Variants in TNKS observed in about 807,000 individuals in gnomAD.
TNKS encodes poly [ADP-ribose] polymerase tankyrase-1.
In TNKS, 72 loss-of-function variants were observed where a neutral mutation model predicts 135.8. That is an observed-to-expected ratio of 0.53 (90% CI 0.44 to 0.64). The LOEUF (loss-of-function observed/expected upper bound fraction) is 0.64. Ranked by LOEUF, TNKS falls within the 30% of genes least tolerant of loss-of-function variation. TNKS has a pLI of 0.00. For missense variants in TNKS, 1,769 were observed against 1,674.0 expected (o/e 1.06, Z -0.99); for synonymous variants, 849 against 649.3 (o/e 1.31, Z -4.68).
At chr8:9,759,186 G>C (rs1807010442) in intron 20 of TNKS, among the ~76,000 whole-genome samples, 1 of 152,236 alleles carries the variant, frequency 6.6e-6, no homozygotes, top group South Asian at 2.1e-4. Context: ...GAGCACACAG[G>C]ATGTGATGTA....
intron 3 of TNKS, among the ~76,000 whole-genome samples, chr8:9,640,081 T>C (rs565511564): frequency 1.3e-5 from 2 of 152,334 alleles, no homozygotes; most frequent in East Asian, 3.9e-4. Flanking sequence ...CTGGCAATTT[T>C]GATAGTCTCA....
At chr8:9,768,594 C>G (rs1218630777) in intron 25 of TNKS, among the ~76,000 whole-genome samples, 1 of 152,234 alleles carries the variant, frequency 6.6e-6, no homozygotes. Flanking sequence ...CAGCTCACCG[C>G]TGGCTGAGCA....
At chr8:9,767,925 C>T (rs1159191969) in intron 25 of TNKS, among the ~76,000 whole-genome samples, 1 of 147,552 alleles carries the variant, frequency 6.8e-6, no homozygotes, top group Admixed American at 6.8e-5. Context: ...CGCCACTGCA[C>T]TCCAGCCTGG....
At chr8:9,656,626 T>TTA (rs398112180) in intron 3 of TNKS, among the ~76,000 whole-genome samples, 2 of 144,606 alleles carry the variant, frequency 1.4e-5, no homozygotes, top group Non-Finnish European at 3.0e-5. Flanking sequence ...TTTTTTTTTT[T>TTA]AATTTATTTT....
intron 3 of TNKS, among the ~76,000 whole-genome samples, chr8:9,626,229 A>T (rs1800048034): frequency 6.6e-6 from 1 of 152,184 alleles, no homozygotes; most frequent in Non-Finnish European, 1.5e-5. Context: ...CCTTTTTAAA[A>T]TTGAGATTTG....
At chr8:9,580,125 T>C (rs1444777195) in intron 1 of TNKS, 34 bp from the exon 2 acceptor site, 2 of 1,576,554 alleles carry the variant, frequency 1.3e-6, no homozygotes, top group African/African-American at 1.4e-5. Flanking sequence ...CAAAATCAAA[T>C]ATATATACAA....
chr8:9,652,656 C>A (rs1199206345), intron 3 of TNKS, among the ~76,000 whole-genome samples: 1 of 151,984 alleles, frequency 6.6e-6, no homozygotes, highest in Non-Finnish European at 1.5e-5. Flanking sequence ...AAAGGAGGTC[C>A]TGTCTTCCTG....
At chr8:9,569,219 C>G (rs1025304740) in intron 1 of TNKS, among the ~76,000 whole-genome samples, 2 of 152,200 alleles carry the variant, frequency 1.3e-5, no homozygotes, top group Admixed American at 1.3e-4. Context: ...TTCCTGTCAT[C>G]ACTCCCTGGA....
intron 3 of TNKS, 89 bp downstream of exon 3, chr8:9,615,766 C>A: frequency 9.5e-7 from 1 of 1,052,276 alleles, no homozygotes; most frequent in Non-Finnish European, 1.4e-6. Context: ...TTTTTCTTTT[C>A]ACTGATGAAG....
chr8:9,725,897 G>C (rs4841204), intron 12 of TNKS, among the ~76,000 whole-genome samples: 2 of 152,024 alleles, frequency 1.3e-5, no homozygotes, highest in Admixed American at 1.3e-4. Context: ...TTAGCCTCTA[G>C]ACCTAACAGC....
At chr8:9,715,379 A>T (rs1804554039) in intron 11 of TNKS, among the ~76,000 whole-genome samples, 1 of 151,896 alleles carries the variant, frequency 6.6e-6, no homozygotes, top group Non-Finnish European at 1.5e-5. Flanking sequence ...GGGTATGATC[A>T]TCTCTGGTCT....
chr8:9,582,483 A>T lies in TNKS; in HGVS notation c.898+2100A>T, dbSNP rs556150366. Among the ~76,000 whole-genome samples the T allele has an allele frequency of 3.0e-4, 46 of 152,346 alleles. 1 individual carries two copies. Among genetic ancestry groups the T allele is most frequent in the Admixed American group, 1.4e-3 (22 of 15,306 alleles). On this transcript the variant is annotated intron_variant, in intron 2 of 26. Transcript: ENST00000310430. ...TGGGGTAGAATAGCAAATACATTTG[A>T]TATTTTTGAAAAGCTAGAGCCCAGC...
At chr8:9,589,665 C>A (rs575628989) in intron 2 of TNKS, among the ~76,000 whole-genome samples, 1 of 152,320 alleles carries the variant, frequency 6.6e-6, no homozygotes, top group Admixed American at 6.5e-5. Flanking sequence ...TCGGGCCTCA[C>A]CACTATACAT....
chr8:9,693,573 A>G (rs1206818163), intron 5 of TNKS, among the ~76,000 whole-genome samples: 1 of 152,176 alleles, frequency 6.6e-6, no homozygotes, highest in Non-Finnish European at 1.5e-5. Flanking sequence ...AGGATGGTGA[A>G]TAAATGTAAA....
In TNKS at chr8:9,778,761, T is replaced by C. The variant is rs1387424026; in HGVS notation, c.*2025T>C. 1 of 152,310 alleles carries C rather than the reference T, an allele frequency of 6.6e-6. No homozygotes were observed. Among genetic ancestry groups the C allele is most frequent in the Non-Finnish European group, 1.5e-5 (1 of 68,032 alleles). The allele number at this position is 152,310 out of a possible 1,614,324, so 9.4% of individuals were successfully genotyped here. On this transcript the variant is annotated 3_prime_UTR_variant, in exon 27 of 27. Transcript: ENST00000310430. ...TGTGTAGTTTTCAGTAGCTGTCAAGTGTGTCTTACTTACCTTCCCCCAGAC... is the reference window on the plus strand; with the variant it reads ...TGTGTAGTTTTCAGTAGCTGTCAAGCGTGTCTTACTTACCTTCCCCCAGAC...
intron 2 of TNKS, 107 bp downstream of exon 2, chr8:9,580,490 T>G: frequency 1.0e-6 from 1 of 969,116 alleles, no homozygotes. Flanking sequence ...GTTTATTGCT[T>G]CTTGTAGAAG....
intron 5 of TNKS, among the ~76,000 whole-genome samples, chr8:9,684,019 A>T (rs1046680504): frequency 6.6e-6 from 1 of 151,654 alleles, no homozygotes; most frequent in Non-Finnish European, 1.5e-5. Context: ...CTCTAAAATG[A>T]TACTTTTATG....
chr8:9,764,726 C>G lies in TNKS; in HGVS notation c.3383C>G (p.Thr1128Ser), dbSNP rs1807332325. The stretch of plus-strand genomic sequence containing the variant: ...TATTTTGTTCTGTAGATGCAAAGTA[C>G]TATTCGAGAACACAGAGATGGTGGT... ...YQSVEEEMQS[T>S]IREHRDGGNA... Residue 1128 changes from threonine to serine, a missense_variant, in exon 23 of 27, where the codon ACT (threonine) becomes AGT (serine). Coordinates refer to ENST00000310430, the MANE Select transcript of TNKS (RefSeq NM_003747.3). 1.9e-6 allele frequency: 3 copies of G among 1,597,580 alleles called. No individual in the cohort carries two copies. The highest frequency in any genetic ancestry group is 2.6e-6 in the Non-Finnish European group (3 of 1,174,602).
chr8:9,625,101 G>A (rs1800008030), intron 3 of TNKS, among the ~76,000 whole-genome samples: 1 of 152,024 alleles, frequency 6.6e-6, no homozygotes, highest in Admixed American at 6.5e-5. Flanking sequence ...TCAATTTTAA[G>A]TAGGTCTGAA....
Sources: gnomAD v4.1 joint callset for allele counts (sites outside exome capture counted in the v4.1 genomes callset) on GRCh38, gnomAD v4.1.1 for gene constraint, MANE v1.5 for transcripts, NCBI Gene and HGNC (gene_info 2026-07-23, HGNC 2026-07-21) for gene names.